SDC4: variants seen among roughly 807,000 people sequenced by gnomAD.
SDC4 encodes the protein syndecan-4.
Under a neutral mutation model 20.5 loss-of-function variants are expected in SDC4, and 17 were observed. The observed-to-expected ratio is 0.83, with a 90% confidence interval of 0.57 to 1.25. SDC4 has a LOEUF of 1.25. Ranked by LOEUF, SDC4 falls within the 50% of genes most tolerant of loss-of-function variation. The pLI is 0.00. For synonymous variants in SDC4, 107 were observed against 105.3 expected, an observed-to-expected ratio of 1.02 and a Z score of -0.10; for missense variants, 241 against 252.3, an observed-to-expected ratio of 0.96 and a Z score of 0.30.
intron 1 of SDC4, among the ~76,000 whole-genome samples, chr20:45,336,802 C>G (rs1364023672): frequency 6.6e-6 from 1 of 152,138 alleles, no homozygotes; most frequent in Non-Finnish European, 1.5e-5. Context: ...CTGCCTCACG[C>G]ACACCCTAAG....
At chr20:45,333,863 T>A (rs566984683) in intron 2 of SDC4, among the ~76,000 whole-genome samples, 31 of 152,298 alleles carry the variant, frequency 2.0e-4, no homozygotes, top group African/African-American at 7.5e-4. Flanking sequence ...TAAAATGTTC[T>A]TATCTAAAAA....
In SDC4 at chr20:45,333,078, T is replaced by A; in HGVS notation, c.200-9A>T. 1.2e-6 allele frequency: 2 copies of A among 1,614,052 alleles called. No individual in the cohort carries two copies. The highest frequency in any genetic ancestry group is 1.7e-6 in the Non-Finnish European group (2 of 1,179,930). ...GGAGTCTTCCAAGTCATCTGTAAGG[T>A]CAGAATAGCTGTGTGAGTGAGGTCC... On this transcript the variant is annotated splice_polypyrimidine_tract_variant and intron_variant, in intron 2 of 4. Transcript: ENST00000372733.
intron 1 of SDC4, among the ~76,000 whole-genome samples, chr20:45,336,883 C>T (rs1442026262): frequency 1.3e-5 from 2 of 151,982 alleles, no homozygotes; most frequent in African/African-American, 4.8e-5. Flanking sequence ...GTCTTGCCTT[C>T]CAAACATCTC....
chr20:45,338,664 T>A (rs550864859), intron 1 of SDC4, among the ~76,000 whole-genome samples: 2 of 152,296 alleles, frequency 1.3e-5, no homozygotes, highest in South Asian at 4.1e-4. Flanking sequence ...TGAGCGAAAG[T>A]GGGGCGTGAA....
At position 45,326,931 on chromosome 20, in the gene SDC4, A is replaced by C. The variant is rs1448907567; in HGVS notation, c.*333T>G. ...CAACATCCGTTAGCCCCCTGGCTTC[A>C]GAGGAGCTCTGGATGAGGCATGGTC... On this transcript the variant is annotated 3_prime_UTR_variant, in exon 5 of 5. Transcript: ENST00000372733. The C allele has an allele frequency of 5.2e-6, 1 of 190,578 alleles. No homozygotes were observed. The highest frequency in any genetic ancestry group is 1.1e-5 in the Non-Finnish European group (1 of 92,598). The allele number at this position is 190,578 out of a possible 1,614,324, so 11.8% of individuals were successfully genotyped here.
At chr20:45,346,201 T>G (rs1219404491) in intron 1 of SDC4, among the ~76,000 whole-genome samples, 1 of 152,166 alleles carries the variant, frequency 6.6e-6, no homozygotes, top group Non-Finnish European at 1.5e-5. Context: ...CTGGATCATC[T>G]CTTCAGTCCG....
intron 1 of SDC4, among the ~76,000 whole-genome samples, chr20:45,346,038 G>T (rs761008784): frequency 3.9e-5 from 6 of 152,172 alleles, no homozygotes; most frequent in Non-Finnish European, 7.3e-5. Flanking sequence ...TGGGAAGTGG[G>T]CATAATAGAA....
chr20:45,332,636 C>A (rs1049366237), intron 3 of SDC4, among the ~76,000 whole-genome samples: 3 of 152,110 alleles, frequency 2.0e-5, no homozygotes, highest in Admixed American at 6.5e-5. Flanking sequence ...GCTCTGTCAC[C>A]CAGGCTGGAG....
At position 45,325,370 on chromosome 20, in the gene SDC4, G is replaced by A. The variant is rs778531938; in HGVS notation, c.*1894C>T. On this transcript the variant is annotated 3_prime_UTR_variant, in exon 5 of 5. Coordinates refer to ENST00000372733, the MANE Select transcript of SDC4 (RefSeq NM_002999.4). ...AGTGTGAGAGGTGCCTACAGAGGAGGTGCTCACTCCAACACAGCCCAAGGG... is the reference window on the plus strand; with the variant it reads ...AGTGTGAGAGGTGCCTACAGAGGAGATGCTCACTCCAACACAGCCCAAGGG... 1 of 152,684 alleles carries A rather than the reference G, an allele frequency of 6.5e-6. No individual in the cohort carries two copies. Among genetic ancestry groups the A allele is most frequent in the Non-Finnish European group, 1.5e-5 (1 of 68,084 alleles). 9.5% of individuals were successfully genotyped at this position (152,684 alleles called of 1,614,324 possible).
chr20:45,327,711 T>C (rs1373135534), intron 4 of SDC4, among the ~76,000 whole-genome samples: 1 of 152,224 alleles, frequency 6.6e-6, no homozygotes, highest in Non-Finnish European at 1.5e-5. Context: ...TGGCGTGATC[T>C]CGGCTTACTG....
chr20:45,334,222 C>T (rs969020001), intron 2 of SDC4, among the ~76,000 whole-genome samples: 1 of 151,996 alleles, frequency 6.6e-6, no homozygotes, highest in Admixed American at 6.5e-5. Context: ...TGGTCTCGAT[C>T]TCTTGACCTT....
At chr20:45,342,313 C>T (rs1033351268) in intron 1 of SDC4, among the ~76,000 whole-genome samples, 1 of 152,200 alleles carries the variant, frequency 6.6e-6, no homozygotes, top group Non-Finnish European at 1.5e-5. Context: ...GTCCCACAGA[C>T]GGCTCCGGCA....
chr20:45,344,868 G>A (rs1287514348), intron 1 of SDC4, among the ~76,000 whole-genome samples: 1 of 152,066 alleles, frequency 6.6e-6, no homozygotes, highest in African/African-American at 2.4e-5. Context: ...TTTGCTCAAG[G>A]TCACCCAGCA....
chr20:45,332,175 TTTGA>T (rs1987788093), intron 3 of SDC4, among the ~76,000 whole-genome samples: 2 of 141,482 alleles, frequency 1.4e-5, no homozygotes, highest in African/African-American at 5.2e-5. Flanking sequence ...TTTTTTTTTT[TTTGA>T]GAGGGAGTCT....
chr20:45,328,499 G>A (rs1217712388), intron 4 of SDC4, among the ~76,000 whole-genome samples: 1 of 152,206 alleles, frequency 6.6e-6, no homozygotes, highest in African/African-American at 2.4e-5. Context: ...TGCACAACAG[G>A]AGGTGCTTAA....
intron 1 of SDC4, among the ~76,000 whole-genome samples, chr20:45,343,679 AGATAAGGGG>A (rs1180637281): frequency 1.3e-5 from 2 of 152,194 alleles, no homozygotes; most frequent in African/African-American, 4.8e-5. Flanking sequence ...CTGTGGGGGT[AGATAAGGGG>A]GATAAGGGGG....
chr20:45,337,003 T>A (rs1987880815), intron 1 of SDC4, among the ~76,000 whole-genome samples: 1 of 151,482 alleles, frequency 6.6e-6, no homozygotes. Flanking sequence ...CACTACCCTG[T>A]GGAGACACAG....
intron 1 of SDC4, among the ~76,000 whole-genome samples, chr20:45,343,729 C>T (rs903180221): frequency 6.6e-6 from 1 of 152,172 alleles, no homozygotes; most frequent in East Asian, 1.9e-4. Context: ...GACCTGGGCT[C>T]AGAATCTTCA....
chr20:45,338,266 G>A, intron 1 of SDC4, among the ~76,000 whole-genome samples: 1 of 152,208 alleles, frequency 6.6e-6, no homozygotes, highest in East Asian at 1.9e-4. Context: ...AGGCTTCACT[G>A]ACCTGGACAT....
Sources: gnomAD v4.1 joint callset for allele counts (sites outside exome capture counted in the v4.1 genomes callset) on GRCh38, gnomAD v4.1.1 for gene constraint, MANE v1.5 for transcripts, NCBI Gene and HGNC (gene_info 2026-07-23, HGNC 2026-07-21) for gene names.